The following NDST4 variants were observed in gnomAD, a reference collection of about 807,000 sequenced individuals.
NDST4 encodes the protein N-heparan sulfate sulfotransferase 4.
NDST4 carries 63 observed loss-of-function variants against 100.8 expected under a neutral mutation model. The observed-to-expected ratio is 0.62, with a 90% CI of 0.51 to 0.77. The LOEUF is 0.77. Ranked by LOEUF, NDST4 falls within the 30% of genes least tolerant of loss-of-function variation. NDST4 has a pLI of 0.00. For missense variants in NDST4, 943 were observed against 1,018.4 expected (o/e 0.93, Z 1.01); for synonymous variants, 377 against 361.8 (o/e 1.04, Z -0.48).
intron 13 of NDST4, 74 bp from the exon 14 acceptor site, chr4:114,828,009 T>C: frequency 7.4e-7 from 1 of 1,352,296 alleles, no homozygotes; most frequent in Non-Finnish European, 1.0e-6. Context: ...CTATATTTCT[T>C]AAGGAATATA....
At chr4:114,919,651 A>G (rs1167419161) in intron 6 of NDST4, among the ~76,000 whole-genome samples, 2 of 152,198 alleles carry the variant, frequency 1.3e-5, no homozygotes, top group Non-Finnish European at 2.9e-5. Context: ...CATGGTCCAG[A>G]GTTTGAAGTT....
chr4:115,067,328 C>G (rs139458747), intron 2 of NDST4, among the ~76,000 whole-genome samples: 4 of 152,122 alleles, frequency 2.6e-5, no homozygotes, highest in Non-Finnish European at 4.4e-5. Flanking sequence ...CTCATTGAGT[C>G]TGAGGTATGA....
At chr4:114,840,739 G>T (rs1421475369) in intron 10 of NDST4, among the ~76,000 whole-genome samples, 2 of 152,176 alleles carry the variant, frequency 1.3e-5, no homozygotes, top group East Asian at 3.8e-4. Flanking sequence ...AAATTCTAGT[G>T]TAGGGTAAAT....
At chr4:115,092,294 G>C (rs908835393) in intron 1 of NDST4, among the ~76,000 whole-genome samples, 29 of 152,084 alleles carry the variant, frequency 1.9e-4, no homozygotes, top group Admixed American at 1.9e-3. Flanking sequence ...GTCAGCCAGA[G>C]GTATTTCAGA....
At chr4:114,933,432 CTT>C (rs367931653) in intron 6 of NDST4, among the ~76,000 whole-genome samples, 1,346 of 89,258 alleles carry the variant, frequency 0.015, 13 homozygotes, top group Admixed American at 0.048. Flanking sequence ...TTTTCTTTTC[CTT>C]TTTTTTTTTT....
At chr4:114,829,975 T>C (rs1056386989) in intron 12 of NDST4, 83 bp from the exon 13 acceptor site, 9 of 883,674 alleles carry the variant, frequency 1.0e-5, no homozygotes, top group Non-Finnish European at 1.6e-5. Flanking sequence ...AAAGGAAATG[T>C]ATTTTTGTAT....
intron 6 of NDST4, among the ~76,000 whole-genome samples, chr4:114,926,148 C>A (rs1477344052): frequency 6.6e-6 from 1 of 151,948 alleles, no homozygotes; most frequent in Non-Finnish European, 1.5e-5. Flanking sequence ...TAGTATTTGA[C>A]AAGTGTGGAA....
intron 6 of NDST4, among the ~76,000 whole-genome samples, chr4:114,911,845 T>G (rs921418712): frequency 2.6e-5 from 4 of 152,214 alleles, no homozygotes; most frequent in African/African-American, 9.6e-5. Context: ...TTATAGCCCC[T>G]GTTTCTTTTC....
chr4:115,086,407 C>T (rs1345745975), intron 1 of NDST4, among the ~76,000 whole-genome samples: 1 of 151,968 alleles, frequency 6.6e-6, no homozygotes, highest in Non-Finnish European at 1.5e-5. Context: ...TTTCTATACC[C>T]ATAAATAACC....
chr4:115,093,213 T>C (rs77891162), intron 1 of NDST4, among the ~76,000 whole-genome samples: 142 of 152,282 alleles, frequency 9.3e-4, no homozygotes, highest in African/African-American at 2.3e-3. Context: ...CGGTGGCTCA[T>C]GCCTGTAATC....
rs556933397 is a variant in NDST4 at position 114,859,585 on chromosome 4, G to A, written c.1720-6764C>T. On this transcript the variant is annotated intron_variant, in intron 7 of 13. Coordinates refer to ENST00000264363, the MANE Select transcript of NDST4 (RefSeq NM_022569.3). ...TCCACTCCTCTGAACTTTGCCAGCT[G>A]CTATTGCCCCCAGCTAGGGGATTGA... 2.6e-5 allele frequency among the ~76,000 whole-genome samples: 4 copies of A among 152,266 alleles called. No homozygotes were observed. In the East Asian group the frequency reaches 7.7e-4, roughly 29 times the overall value.
chr4:115,004,952 G>A (rs1481960202), intron 2 of NDST4, among the ~76,000 whole-genome samples: 2 of 152,084 alleles, frequency 1.3e-5, no homozygotes, highest in African/African-American at 2.4e-5. Flanking sequence ...ATTCATGATA[G>A]GAGAATTTTT....
chr4:114,945,205 T>C (rs1210308240), intron 4 of NDST4, among the ~76,000 whole-genome samples: 1 of 31,130 alleles, frequency 3.2e-5, no homozygotes, highest in African/African-American at 1.1e-4. Context: ...TGAAACTCCG[T>C]CTCAAAAAAA....
intron 2 of NDST4, among the ~76,000 whole-genome samples, chr4:114,987,427 G>T (rs1411709610): frequency 6.6e-6 from 1 of 152,132 alleles, no homozygotes; most frequent in Non-Finnish European, 1.5e-5. Context: ...TCCAGAGCAG[G>T]TACAGATTTG....
chr4:114,909,918 T>C (rs1214974610), intron 6 of NDST4, among the ~76,000 whole-genome samples: 1 of 152,210 alleles, frequency 6.6e-6, no homozygotes, highest in Non-Finnish European at 1.5e-5. Context: ...TTTTGACTTC[T>C]ACAGAGCTCT....
chr4:114,954,367 T>G (rs949312348), intron 4 of NDST4, among the ~76,000 whole-genome samples: 1 of 152,146 alleles, frequency 6.6e-6, no homozygotes, highest in African/African-American at 2.4e-5. Context: ...TAATCCTAGA[T>G]GCATATCTAT....
chr4:114,917,068 A>T (rs1162913434), intron 6 of NDST4, among the ~76,000 whole-genome samples: 4 of 152,114 alleles, frequency 2.6e-5, no homozygotes, highest in African/African-American at 9.7e-5. Flanking sequence ...TGGATGCTCA[A>T]GTCCCTCACA....
At chr4:114,873,163 C>G (rs1389155493) in intron 6 of NDST4, among the ~76,000 whole-genome samples, 4 of 151,682 alleles carry the variant, frequency 2.6e-5, no homozygotes, top group Non-Finnish European at 4.4e-5. Context: ...AAGACAATAT[C>G]ACTCATCATA....
intron 2 of NDST4, among the ~76,000 whole-genome samples, chr4:115,048,564 G>A (rs1453374810): frequency 1.3e-5 from 2 of 152,036 alleles, no homozygotes; most frequent in Non-Finnish European, 2.9e-5. Flanking sequence ...TTGATTACAC[G>A]CGTGAGCCAC....
Sources: allele counts gnomAD v4.1 joint callset (sites outside exome capture counted in the v4.1 genomes callset), GRCh38; gene constraint gnomAD v4.1.1; transcripts MANE v1.5; gene names NCBI Gene and HGNC (gene_info 2026-07-23, HGNC 2026-07-21).